ITPR2: variants seen among roughly 807,000 people sequenced by gnomAD.
ITPR2 encodes inositol 1,4,5-trisphosphate receptor type 2.
Under a neutral mutation model 317.1 loss-of-function variants are expected in ITPR2, and 207 were observed. That is an observed-to-expected ratio of 0.65 (90% CI 0.58 to 0.73). The LOEUF (loss-of-function observed/expected upper bound fraction) is 0.73, where lower values mean the gene tolerates loss of function less well. ITPR2 is among the 30% of genes least tolerant of loss of function. The probability of loss-of-function intolerance (pLI) is 0.00; values close to 1 mark genes in which losing one functional copy is unlikely to be tolerated. For missense variants in ITPR2, 2,613 were observed against 3,284.0 expected (o/e 0.80, Z 4.99); for synonymous variants, 1,156 against 1,149.1 (o/e 1.01, Z -0.12).
At chr12:26,484,959 C>T (rs540224781) in intron 41 of ITPR2, among the ~76,000 whole-genome samples, 1 of 152,280 alleles carries the variant, frequency 6.6e-6, no homozygotes, top group Admixed American at 6.5e-5. Context: ...TTGTGATCCG[C>T]CCATCTTGGC....
intron 1 of ITPR2, among the ~76,000 whole-genome samples, chr12:26,792,616 A>G (rs1950361540): frequency 6.6e-6 from 1 of 152,056 alleles, no homozygotes; most frequent in South Asian, 2.1e-4. Context: ...AGCTCCATGA[A>G]GTCAGAGATT....
chr12:26,584,774 G>A (rs527358397), intron 32 of ITPR2, among the ~76,000 whole-genome samples: 11 of 152,090 alleles, frequency 7.2e-5, no homozygotes, highest in South Asian at 4.1e-4. Flanking sequence ...GTTGGGAAGC[G>A]GCTACTCTAC....
intron 5 of ITPR2, among the ~76,000 whole-genome samples, chr12:26,717,812 A>T (rs543326497): frequency 6.6e-6 from 1 of 152,228 alleles, no homozygotes; most frequent in East Asian, 1.9e-4. Flanking sequence ...TCTATCTTTG[A>T]ACCATGAATT....
rs375180640 is a variant in ITPR2 at position 26,399,089 on chromosome 12, C to A, written c.7531-48G>T. 3.0e-6 allele frequency: 4 copies of A among 1,334,642 alleles called. No homozygotes were observed. In the African/African-American group the frequency reaches 4.5e-5, roughly 15 times the overall value. The allele number at this position is 1,334,642 out of a possible 1,614,324, so 82.7% of individuals were successfully genotyped here. On this transcript the variant is annotated intron_variant, in intron 53 of 56. Coordinates refer to ENST00000381340, the MANE Select transcript of ITPR2 (RefSeq NM_002223.4). Reference sequence around the variant, plus strand: ...AATCACACTAGGCATAGTGATTGAGCACACTGTCTAGCATAGAGAGTATAT... The same window carrying A: ...AATCACACTAGGCATAGTGATTGAGAACACTGTCTAGCATAGAGAGTATAT...
intron 45 of ITPR2, among the ~76,000 whole-genome samples, chr12:26,474,645 T>A (rs1942369552): frequency 6.6e-6 from 1 of 150,946 alleles, no homozygotes; most frequent in African/African-American, 2.4e-5. Context: ...TACAAAAAAA[T>A]TAGCCGGGCG....
At chr12:26,701,125 G>A (rs1005822086) in intron 9 of ITPR2, among the ~76,000 whole-genome samples, 5 of 152,060 alleles carry the variant, frequency 3.3e-5, no homozygotes, top group Admixed American at 1.3e-4. Context: ...ATATAAAGAA[G>A]TCAGGTATGG....
At chr12:26,461,701 CA>C (rs1942033930) in intron 45 of ITPR2, among the ~76,000 whole-genome samples, 1 of 135,486 alleles carries the variant, frequency 7.4e-6, no homozygotes, top group Non-Finnish European at 1.6e-5. Context: ...TACACACACA[CA>C]CACACACACA....
intron 21 of ITPR2, among the ~76,000 whole-genome samples, chr12:26,633,290 G>A (rs1946794932): frequency 6.6e-6 from 1 of 152,286 alleles, no homozygotes; most frequent in Non-Finnish European, 1.5e-5. Flanking sequence ...TAAGCCACTG[G>A]TAAAGACTAT....
intron 21 of ITPR2, among the ~76,000 whole-genome samples, chr12:26,648,115 C>G (rs1000155788): frequency 7.9e-5 from 12 of 152,172 alleles, no homozygotes; most frequent in African/African-American, 2.9e-4. Flanking sequence ...GTAATTGCCA[C>G]TTTCCAAGCC....
chr12:26,490,395 T>C (rs746970612), intron 39 of ITPR2, among the ~76,000 whole-genome samples: 3 of 152,198 alleles, frequency 2.0e-5, no homozygotes, highest in Non-Finnish European at 4.4e-5. Context: ...CTTCTGCACA[T>C]TGACTGAACC....
At chr12:26,815,189 G>A (rs577553864) in intron 1 of ITPR2, among the ~76,000 whole-genome samples, 2 of 152,274 alleles carry the variant, frequency 1.3e-5, no homozygotes, top group Admixed American at 6.5e-5. Flanking sequence ...AAATTAGCCA[G>A]GCATGATGGT....
intron 37 of ITPR2, among the ~76,000 whole-genome samples, chr12:26,511,690 T>C (rs1943350970): frequency 6.6e-6 from 1 of 152,238 alleles, no homozygotes; most frequent in African/African-American, 2.4e-5. Context: ...CTTTATTCTA[T>C]TCTGACCTCT....
intron 35 of ITPR2, among the ~76,000 whole-genome samples, chr12:26,559,012 T>C (rs1303367580): frequency 6.6e-6 from 1 of 152,202 alleles, no homozygotes; most frequent in African/African-American, 2.4e-5. Flanking sequence ...CATCGATTCA[T>C]CCACCAAGTT....
chr12:26,367,232 A>G (rs1379579114), intron 55 of ITPR2, among the ~76,000 whole-genome samples: 1 of 152,200 alleles, frequency 6.6e-6, no homozygotes, highest in East Asian at 1.9e-4. Context: ...AAATATATCA[A>G]TGTCATTTAA....
chr12:26,715,245 A>T (rs1948716702), intron 8 of ITPR2, 54 bp downstream of exon 8: 1 of 1,445,892 alleles, frequency 6.9e-7, no homozygotes, highest in African/African-American at 1.4e-5. Context: ...AAGCCCAGTG[A>T]ATCTTCTCTT....
At chr12:26,777,630 T>A (rs896375663) in intron 2 of ITPR2, among the ~76,000 whole-genome samples, 2 of 152,146 alleles carry the variant, frequency 1.3e-5, no homozygotes, top group African/African-American at 4.8e-5. Flanking sequence ...GATAAATGCA[T>A]TCCTACTTAA....
intron 55 of ITPR2, among the ~76,000 whole-genome samples, chr12:26,353,480 G>T (rs919531466): frequency 1.3e-5 from 2 of 152,212 alleles, no homozygotes; most frequent in Non-Finnish European, 2.9e-5. Flanking sequence ...GACTCTTACA[G>T]AGGGGTCTGC....
At chr12:26,587,348 G>A (rs1945555968) in intron 32 of ITPR2, among the ~76,000 whole-genome samples, 1 of 151,734 alleles carries the variant, frequency 6.6e-6, no homozygotes, top group South Asian at 2.1e-4. Flanking sequence ...TGAAGCAAGT[G>A]TTAAGAAGGA....
intron 54 of ITPR2, among the ~76,000 whole-genome samples, chr12:26,398,072 G>T (rs1468711426): frequency 6.6e-6 from 1 of 151,260 alleles, no homozygotes; most frequent in South Asian, 2.1e-4. Context: ...GTGTGTGTGT[G>T]TGTGTGTGTG....
Sources: gnomAD v4.1 joint callset for allele counts (sites outside exome capture counted in the v4.1 genomes callset) on GRCh38, gnomAD v4.1.1 for gene constraint, MANE v1.5 for transcripts, NCBI Gene and HGNC (gene_info 2026-07-23, HGNC 2026-07-21) for gene names.